The following DARS1 variants were observed in gnomAD, a reference collection of about 807,000 sequenced individuals.
DARS1 encodes the protein aspartate--tRNA ligase, cytoplasmic.
Under a neutral mutation model 68.8 loss-of-function variants are expected in DARS1, and 51 were observed. The observed-to-expected ratio is 0.74, with a 90% CI of 0.59 to 0.94. The LOEUF is 0.94. DARS1 is among the 40% of genes least tolerant of loss of function. DARS1 has a pLI of 0.00. For synonymous variants in DARS1, 203 were observed against 190.4 expected, an observed-to-expected ratio of 1.07 and a Z score of -0.55; for missense variants, 607 against 597.3, an observed-to-expected ratio of 1.02 and a Z score of -0.17.
At chr2:135,934,037 G>C in intron 5 of DARS1, 47 bp from the exon 6 acceptor site, 1 of 1,584,618 alleles carries the variant, frequency 6.3e-7, no homozygotes, top group Non-Finnish European at 8.6e-7. Context: ...CACAAAATCT[G>C]CATCTTTTTC....
intron 3 of DARS1, among the ~76,000 whole-genome samples, chr2:135,966,168 AT>A (rs60485095): frequency 0.025 from 3,493 of 141,498 alleles, 73 homozygotes; most frequent in African/African-American, 0.07. Context: ...CTGTAAATGT[AT>A]TTTTTTTTTT....
At chr2:135,937,551 C>T (rs1319754352) in intron 5 of DARS1, among the ~76,000 whole-genome samples, 1 of 152,116 alleles carries the variant, frequency 6.6e-6, no homozygotes, top group Non-Finnish European at 1.5e-5. Context: ...TTTAAAAGTA[C>T]ATCATCGTTA....
chr2:135,906,161 A>G lies in DARS1; in HGVS notation c.*1155T>C, dbSNP rs1413335089. 6.6e-6 allele frequency among the ~76,000 whole-genome samples: 1 copy of G among 152,180 alleles called. No individual in the cohort carries two copies. Among genetic ancestry groups the G allele is most frequent in the East Asian group, 1.9e-4 (1 of 5,200 alleles). On this transcript the variant is annotated 3_prime_UTR_variant, in exon 16 of 16. Coordinates refer to ENST00000264161, the MANE Select transcript of DARS1 (RefSeq NM_001349.4). ...AACACCCCCTTTAACTTTCAAACATAATGGGCAGATGTTCGTGGTCCAGGG... is the reference window on the plus strand; with the variant it reads ...AACACCCCCTTTAACTTTCAAACATGATGGGCAGATGTTCGTGGTCCAGGG...
At chr2:135,978,532 GTATAAAGT>G (rs1464051786) in intron 3 of DARS1, among the ~76,000 whole-genome samples, 1 of 152,224 alleles carries the variant, frequency 6.6e-6, no homozygotes, top group Non-Finnish European at 1.5e-5. Flanking sequence ...AGTATGAAAA[GTATAAAGT>G]TATAAACTAG....
At chr2:135,937,425 A>G (rs941084520) in intron 5 of DARS1, among the ~76,000 whole-genome samples, 1 of 152,100 alleles carries the variant, frequency 6.6e-6, no homozygotes, top group African/African-American at 2.4e-5. Context: ...AAAAAAAAGG[A>G]AGCTACTGTT....
chr2:135,967,226 T>C (rs1030896314), intron 3 of DARS1, among the ~76,000 whole-genome samples: 1 of 152,230 alleles, frequency 6.6e-6, no homozygotes, highest in Non-Finnish European at 1.5e-5. Context: ...TGATTTGTAT[T>C]AATCAATTAG....
At chr2:135,907,583 A>T (rs1402341470) in intron 15 of DARS1, among the ~76,000 whole-genome samples, 176 bp from the exon 16 acceptor site, 1 of 152,208 alleles carries the variant, frequency 6.6e-6, no homozygotes, top group Non-Finnish European at 1.5e-5. Flanking sequence ...TCAGAAATAA[A>T]GATGCTGCTA....
chr2:135,909,048 C>T (rs1431763926), intron 15 of DARS1, among the ~76,000 whole-genome samples: 1 of 151,858 alleles, frequency 6.6e-6, no homozygotes, highest in Non-Finnish European at 1.5e-5. Context: ...AAACCAAACA[C>T]CACATGTTCT....
chr2:135,947,276 C>T lies in DARS1; in HGVS notation c.321-3796G>A, dbSNP rs532660530. 3.3e-5 allele frequency among the ~76,000 whole-genome samples: 5 copies of T among 151,800 alleles called. No homozygotes were observed. In the South Asian group the frequency reaches 1.0e-3, roughly 32 times the overall value. On this transcript the variant is annotated intron_variant, in intron 4 of 15. Transcript: ENST00000264161. ...CAAAAAAATTAGCTGGGTGTGGTGG[C>T]GTGGCCCTGTAGCCCCAGCTACTCT... is the stretch of plus-strand genomic sequence containing the variant.
intron 7 of DARS1, among the ~76,000 whole-genome samples, chr2:135,926,700 T>C (rs1344764542): frequency 6.6e-6 from 1 of 152,214 alleles, no homozygotes; most frequent in Non-Finnish European, 1.5e-5. Flanking sequence ...TTATGTATCT[T>C]ACTAGCAAGA....
chr2:135,926,736 T>G (rs552199791), intron 7 of DARS1, among the ~76,000 whole-genome samples: 1 of 152,200 alleles, frequency 6.6e-6, no homozygotes, highest in African/African-American at 2.4e-5. Flanking sequence ...AACAATCACA[T>G]TGTGCGAGCG....
In DARS1 at chr2:135,962,221, A is replaced by G. The variant is rs75560320; in HGVS notation, c.218-723T>C. On this transcript the variant is annotated intron_variant, in intron 3 of 15. Coordinates refer to ENST00000264161, the MANE Select transcript of DARS1 (RefSeq NM_001349.4). ...CTCTTTATTCCTTCTTCTTTGATAA[A>G]GAACTGTTACTCCTTATTCTTAACC... 7.5e-3 allele frequency among the ~76,000 whole-genome samples: 1,144 copies of G among 152,318 alleles called. 11 individuals are homozygous for G. Among genetic ancestry groups the G allele is most frequent in the African/African-American group, 0.026 (1,078 of 41,566 alleles).
At chr2:135,970,508 G>A (rs1311708500) in intron 3 of DARS1, among the ~76,000 whole-genome samples, 1 of 151,772 alleles carries the variant, frequency 6.6e-6, no homozygotes, top group Admixed American at 6.6e-5. Context: ...AAAATTATAA[G>A]TATCTACCTA....
At chr2:135,935,933 A>T (rs918541457) in intron 5 of DARS1, among the ~76,000 whole-genome samples, 11 of 152,310 alleles carry the variant, frequency 7.2e-5, no homozygotes, top group Non-Finnish European at 1.2e-4. Flanking sequence ...ATAAAATAGA[A>T]CTATTTGTCA....
intron 15 of DARS1, 53 bp from the exon 16 acceptor site, chr2:135,907,460 T>C: frequency 8.0e-7 from 1 of 1,250,208 alleles, no homozygotes. Flanking sequence ...TCTCAGGGTC[T>C]TACTTAGAAC....
chr2:135,908,231 T>C (rs1430036485), intron 15 of DARS1, among the ~76,000 whole-genome samples: 1 of 152,198 alleles, frequency 6.6e-6, no homozygotes, highest in African/African-American at 2.4e-5. Flanking sequence ...GAAACAATGC[T>C]TTCCTGTAGG....
intron 12 of DARS1, among the ~76,000 whole-genome samples, chr2:135,913,758 C>G (rs1176082072): frequency 2.4e-5 from 3 of 125,652 alleles, no homozygotes; most frequent in Non-Finnish European, 5.1e-5. Context: ...AACTCCGTCT[C>G]AAAAAAAAAA....
intron 4 of DARS1, among the ~76,000 whole-genome samples, chr2:135,955,416 C>G (rs1161809125): frequency 1.3e-5 from 2 of 151,866 alleles, no homozygotes; most frequent in East Asian, 3.9e-4. Flanking sequence ...TAAATCTTTG[C>G]AAGGGGGGTG....
intron 6 of DARS1, among the ~76,000 whole-genome samples, chr2:135,933,148 C>G (rs1172693959): frequency 6.6e-6 from 1 of 152,162 alleles, no homozygotes; most frequent in African/African-American, 2.4e-5. Flanking sequence ...TTCATTGATT[C>G]CTGGATTTAA....
Sources: gnomAD v4.1 joint callset for allele counts (sites outside exome capture counted in the v4.1 genomes callset) on GRCh38, gnomAD v4.1.1 for gene constraint, MANE v1.5 for transcripts, NCBI Gene and HGNC (gene_info 2026-07-23, HGNC 2026-07-21) for gene names.